Variants in KIF3A observed in about 807,000 individuals in gnomAD.
The protein encoded by KIF3A is kinesin-like protein KIF3A.
Under a neutral mutation model 92.6 loss-of-function variants are expected in KIF3A, and 27 were observed. That is an observed-to-expected ratio of 0.29 (90% confidence interval 0.21 to 0.40). The LOEUF is 0.40. KIF3A is among the 10% of genes least tolerant of loss of function. KIF3A has a pLI of 1.00. For synonymous variants in KIF3A, 250 were observed against 275.4 expected (o/e 0.91, Z 0.92); for missense variants, 581 against 872.6 (o/e 0.67, Z 4.21).
chr5:132,702,446 A>G, intron 14 of KIF3A, 112 bp downstream of exon 14: 3 of 711,248 alleles, frequency 4.2e-6, no homozygotes, highest in Non-Finnish European at 6.7e-6. Context: ...GAAATATTTT[A>G]TTTCTTTTAA....
rs1346011455 is a variant in KIF3A, at chr5:132,715,199, ACT to A, written c.1129+556_1129+557del. ...GCACTTAATGACTGGGAAGCGTCTC[ACT>A]CTCATAAATAAGATCTTCAAATTTT... On this transcript the variant is annotated intron_variant, in intron 8 of 18. Transcript: ENST00000403231. Among the ~76,000 whole-genome samples, 26 of 152,256 alleles carry A rather than the reference ACT, an allele frequency of 1.7e-4. No homozygotes were observed. The East Asian group carries it at 5.0e-3, about 29-fold the overall frequency.
intron 5 of KIF3A, among the ~76,000 whole-genome samples, chr5:132,720,154 T>C (rs1378674484): frequency 6.6e-6 from 1 of 152,216 alleles, no homozygotes; most frequent in Non-Finnish European, 1.5e-5. Flanking sequence ...GGCTTAGGTG[T>C]GATCACTCAC....
In KIF3A at chr5:132,716,985, C is replaced by CT. The variant is rs1753646927; in HGVS notation, c.617-2dup. 1 of 1,612,146 alleles carries CT rather than the reference C, an allele frequency of 6.2e-7. No homozygotes were observed. Among genetic ancestry groups the CT allele is most frequent in the South Asian group, 1.1e-5 (1 of 90,874 alleles). ...TTCATATTAGTTGCACCAACAGAACCTTTAATAAATAAACGAAATCCTTTA... is the reference window on the plus strand; with the variant it reads ...TTCATATTAGTTGCACCAACAGAACCTTTTAATAAATAAACGAAATCCTTTA... On this transcript the variant is annotated splice_acceptor_variant, in intron 5 of 18. Coordinates refer to ENST00000403231, the MANE Select transcript of KIF3A (RefSeq NM_001300791.2). LOFTEE classifies it high-confidence loss of function.
chr5:132,715,525 T>G (rs1753589088), intron 8 of KIF3A, among the ~76,000 whole-genome samples: 4 of 152,176 alleles, frequency 2.6e-5, no homozygotes, highest in Admixed American at 2.0e-4. Context: ...CTACAAAACA[T>G]CATGCAAATG....
rs1443232483 is a variant in KIF3A at position 132,695,314 on chromosome 5, G to C, written c.*1320C>G. Reference sequence around the variant, plus strand: ...AGCCTCCCAAGTAGCTGGGATTACAGGTGTGCGCCACCACACCCAGCTAAT... The same window carrying C: ...AGCCTCCCAAGTAGCTGGGATTACACGTGTGCGCCACCACACCCAGCTAAT... On this transcript the variant is annotated 3_prime_UTR_variant, in exon 19 of 19. Coordinates refer to ENST00000403231, the MANE Select transcript of KIF3A (RefSeq NM_001300791.2). The C allele has an allele frequency of 2.0e-5, 3 of 150,974 alleles. No individual in the cohort carries two copies. Among genetic ancestry groups the C allele is most frequent in the Admixed American group, 6.6e-5 (1 of 15,140 alleles). The allele number at this position is 150,974 out of a possible 1,614,324, so 9.4% of individuals were successfully genotyped here.
chr5:132,707,955 C>G (rs941533998), intron 10 of KIF3A, among the ~76,000 whole-genome samples: 3 of 152,194 alleles, frequency 2.0e-5, no homozygotes, highest in African/African-American at 7.2e-5. Flanking sequence ...ATAAAATCCA[C>G]GTGATTCTGC....
downstream of KIF3A, chr5:132,692,303 A>G (rs781747474): frequency 2.6e-5 from 4 of 152,220 alleles, no homozygotes; most frequent in Non-Finnish European, 4.4e-5. Context: ...AAGAGCAGAA[A>G]AGATAACTAT....
At chr5:132,734,567 T>C in intron 1 of KIF3A, 89 bp from the exon 2 acceptor site, 1 of 1,156,636 alleles carries the variant, frequency 8.6e-7, no homozygotes, top group Non-Finnish European at 1.2e-6. Flanking sequence ...AGGCTACTTT[T>C]CCAACTCAGT....
intron 1 of KIF3A, among the ~76,000 whole-genome samples, chr5:132,734,883 C>G (rs529047018): frequency 1.3e-5 from 2 of 152,216 alleles, no homozygotes; most frequent in South Asian, 4.1e-4. Flanking sequence ...TCCCCTGAGA[C>G]TTTAGTTTTA....
chr5:132,702,007 T>C, intron 15 of KIF3A, 80 bp downstream of exon 15: 1 of 1,419,832 alleles, frequency 7.0e-7, no homozygotes, highest in Non-Finnish European at 9.7e-7. Context: ...GTATTAAGTA[T>C]TTATCATCAG....
At chr5:132,707,235 A>C (rs1041119997) in intron 10 of KIF3A, among the ~76,000 whole-genome samples, 11 of 152,122 alleles carry the variant, frequency 7.2e-5, no homozygotes, top group African/African-American at 2.7e-4. Flanking sequence ...GGTAATTATA[A>C]ACAATGATTC....
At chr5:132,725,911 A>G (rs55793602) in intron 4 of KIF3A, among the ~76,000 whole-genome samples, 3 of 152,182 alleles carry the variant, frequency 2.0e-5, no homozygotes, top group Non-Finnish European at 4.4e-5. Context: ...TAAAATATGC[A>G]GCAATATCAA....
In KIF3A at chr5:132,696,501, T is replaced by C. The variant is rs1381507533; in HGVS notation, c.*133A>G. 1.5e-6 allele frequency: 1 copy of C among 650,628 alleles called. No homozygotes were observed. Among genetic ancestry groups the C allele is most frequent in the Non-Finnish European group, 2.8e-6 (1 of 357,072 alleles). The allele number at this position is 650,628 out of a possible 1,614,324, so 40.3% of individuals were successfully genotyped here. A position where few individuals can be genotyped will look rare whatever the true frequency, so the allele number is the denominator to read the frequency against. ...CTAAAAGTTCTTAAGCAAATTATTA[T>C]TTCCAGTCTTATTCATTGATCTACA... On this transcript the variant is annotated 3_prime_UTR_variant, in exon 19 of 19. Coordinates refer to ENST00000403231, the MANE Select transcript of KIF3A (RefSeq NM_001300791.2).
At position 132,720,589 on chromosome 5, in the gene KIF3A, C is replaced by T. The variant is rs1486093260; in HGVS notation, c.616+20G>A. 6.6e-7 allele frequency: 1 copy of T among 1,506,772 alleles called. No homozygotes were observed. The highest frequency in any genetic ancestry group is 1.4e-5 in the African/African-American group (1 of 72,494). The allele number at this position is 1,506,772 out of a possible 1,614,324, so 93.3% of individuals were successfully genotyped here. On this transcript the variant is annotated intron_variant, in intron 5 of 18. Coordinates refer to ENST00000403231, the MANE Select transcript of KIF3A (RefSeq NM_001300791.2). ...TACTCAACACACAGATGCTTAATCA[C>T]AATTACACACTATACTTACGATTTT... is the stretch of plus-strand genomic sequence containing the variant.
At chr5:132,710,921 C>T in intron 9 of KIF3A, 38 bp downstream of exon 9, 1 of 1,613,472 alleles carries the variant, frequency 6.2e-7, no homozygotes, top group Non-Finnish European at 8.5e-7. Flanking sequence ...TGTGAAACCA[C>T]CTAATTTCTA....
chr5:132,702,282 A>G, intron 14 of KIF3A, 70 bp from the exon 15 acceptor site: 1 of 1,482,452 alleles, frequency 6.7e-7, no homozygotes, highest in Non-Finnish European at 9.3e-7. Context: ...CATCTCACAT[A>G]GGATGCTTGT....
Position 132,700,647 on chromosome 5 carries a change from T to C in KIF3A, c.1938A>G (p.Leu646=). ...GTGAAAGAATGAAGGTAATACTCAC[T>C]AGCTGCCATTCTCCTATGTCTTCAT... ...HWNEDIGEWQ[L]KCVAYTGNNM... Residue 646 remains leucine (L), a splice_region_variant and synonymous_variant, in exon 16 of 19, where the codon CTA becomes CTG. Coordinates refer to ENST00000403231, the MANE Select transcript of KIF3A (RefSeq NM_001300791.2). 2 of 1,575,148 alleles carry C rather than the reference T, an allele frequency of 1.3e-6. No individual in the cohort carries two copies. The highest frequency in any genetic ancestry group is 8.7e-7 in the Non-Finnish European group (1 of 1,144,738).
intron 11 of KIF3A, among the ~76,000 whole-genome samples, chr5:132,705,575 T>C (rs528517085): frequency 2.0e-5 from 3 of 152,156 alleles, no homozygotes; most frequent in East Asian, 3.9e-4. Context: ...ATGCATTACA[T>C]TAGTAATTTA....
intron 1 of KIF3A, among the ~76,000 whole-genome samples, chr5:132,735,425 TTGAAG>T (rs1561716959): frequency 6.6e-6 from 1 of 152,218 alleles, no homozygotes; most frequent in East Asian, 1.9e-4. Context: ...AATCCTATTA[TTGAAG>T]TGAAAAGGAC....
Sources: allele counts gnomAD v4.1 joint callset (sites outside exome capture counted in the v4.1 genomes callset), GRCh38; gene constraint gnomAD v4.1.1; transcripts MANE v1.5; gene names NCBI Gene and HGNC (gene_info 2026-07-23, HGNC 2026-07-21).